The following PARG variants were observed in gnomAD, a reference collection of about 807,000 sequenced individuals.
PARG encodes the protein poly(ADP-ribose) glycohydrolase, also known as mitochondrial poly(ADP-ribose) glycohydrolase.
PARG carries 35 observed loss-of-function variants against 113.0 expected under a neutral mutation model. The ratio of observed to expected loss-of-function variants is 0.31; its 90% CI spans 0.24 to 0.41. The LOEUF (loss-of-function observed/expected upper bound fraction) is 0.41, where lower values mean the gene tolerates loss of function less well. Among genes scored for constraint, PARG ranks in the 10% least tolerant of loss-of-function variants. PARG has a pLI of 1.00. For synonymous variants in PARG, 330 were observed against 409.9 expected, an observed-to-expected ratio of 0.81 and a Z score of 2.36; for missense variants, 797 against 1,169.4, an observed-to-expected ratio of 0.68 and a Z score of 4.64.
intron 12 of PARG, among the ~76,000 whole-genome samples, chr10:49,858,439 T>C (rs1846100070): frequency 7.2e-6 from 1 of 139,740 alleles, no homozygotes; most frequent in South Asian, 2.2e-4. Context: ...AGGCTTATAT[T>C]CTTTCAAACT....
intron 16 of PARG, among the ~76,000 whole-genome samples, chr10:49,826,786 A>C (rs1844379511): frequency 1.3e-5 from 2 of 152,202 alleles, no homozygotes; most frequent in Non-Finnish European, 2.9e-5. Context: ...TTTTTGTGGC[A>C]TTTTAAAACT....
chr10:49,841,877 T>G (rs1845257808), intron 15 of PARG, 73 bp downstream of exon 15: 1 of 937,688 alleles, frequency 1.1e-6, no homozygotes, highest in Admixed American at 2.0e-5. Flanking sequence ...CAGAAAGCAT[T>G]AATTTCAGCA....
chr10:49,916,006 G>C lies in PARG; in HGVS notation c.1663-15C>G, dbSNP rs1308365545. On this transcript the variant is annotated splice_polypyrimidine_tract_variant and intron_variant, in intron 6 of 17. Transcript: ENST00000616448. ...AGAATAGCATCCTGTGGAAAATGCA[G>C]AAACAAAAAAACGTCATGGTATGGC... 2 of 1,480,746 alleles carry C rather than the reference G, an allele frequency of 1.4e-6. No homozygotes were observed. The highest frequency in any genetic ancestry group is 1.8e-6 in the Non-Finnish European group (2 of 1,083,058). 91.7% of individuals were successfully genotyped at this position (1,480,746 alleles called of 1,614,324 possible). A position where few individuals can be genotyped will look rare whatever the true frequency, so the allele number is the denominator to read the frequency against.
In PARG at chr10:49,935,458, T is replaced by C. The variant is rs1306490221; in HGVS notation, c.218-316A>G. On this transcript the variant is annotated intron_variant, in intron 1 of 17. Coordinates refer to ENST00000616448, the MANE Select transcript of PARG (RefSeq NM_003631.5). Reference sequence around the variant, plus strand: ...TACTCTGTGAGGGGTCATTTCTCTGTATCTCAGATCCCTCATTTGTAAACA... The same window carrying C: ...TACTCTGTGAGGGGTCATTTCTCTGCATCTCAGATCCCTCATTTGTAAACA... 1.2e-3 allele frequency among the ~76,000 whole-genome samples: 189 copies of C among 152,394 alleles called. 1 individual carries two copies. The highest frequency in any genetic ancestry group is 4.5e-3 in the African/African-American group (188 of 41,606).
chr10:49,824,549 T>C (rs1554829154), intron 16 of PARG, among the ~76,000 whole-genome samples: 1 of 152,090 alleles, frequency 6.6e-6, no homozygotes, highest in African/African-American at 2.4e-5. Context: ...TAAATATGAA[T>C]AACATGAAAA....
At chr10:49,891,390 T>C (rs1847774398) in intron 7 of PARG, among the ~76,000 whole-genome samples, 1 of 151,428 alleles carries the variant, frequency 6.6e-6, no homozygotes, top group African/African-American at 2.4e-5. Context: ...TAGCACAAGC[T>C]GCTCCATTTT....
At chr10:49,912,869 A>G (rs1554846687) in intron 7 of PARG, among the ~76,000 whole-genome samples, 1 of 152,112 alleles carries the variant, frequency 6.6e-6, no homozygotes, top group African/African-American at 2.4e-5. Context: ...ACGGGAGGCT[A>G]AAGTGGGAGG....
At position 49,843,635 on chromosome 10, in the gene PARG, GAAAC is replaced by G. The variant is rs1186843877; in HGVS notation, c.2354-7_2354-4del. ...GTATTCACTGTACTGCTCAGTACCT[GAAAC>G]AAACAATCTGTCACTATTAACTTCA... On this transcript the variant is annotated splice_region_variant and splice_polypyrimidine_tract_variant and intron_variant, in intron 13 of 17. Transcript: ENST00000616448. The G allele has an allele frequency of 2.3e-5, 36 of 1,539,868 alleles. No individual in the cohort carries two copies. Among genetic ancestry groups the G allele is most frequent in the Non-Finnish European group, 3.0e-5 (34 of 1,136,422 alleles).
At chr10:49,936,310 G>A (rs1450853323) in intron 1 of PARG, among the ~76,000 whole-genome samples, 2 of 152,084 alleles carry the variant, frequency 1.3e-5, no homozygotes, top group African/African-American at 4.8e-5. Context: ...GAAAAATGAT[G>A]ACAGCCTTAA....
Position 49,837,257 on chromosome 10 carries a change from T to G in PARG, c.2542-4349A>C, listed in dbSNP as rs566132725. On this transcript the variant is annotated intron_variant, in intron 15 of 17. Coordinates refer to ENST00000616448, the MANE Select transcript of PARG (RefSeq NM_003631.5). ...TTTTCAATTATTAACTGGTGAGTAATGCTTAAAAGTAGCAAACAGGTCCCC... is the reference window on the plus strand; with the variant it reads ...TTTTCAATTATTAACTGGTGAGTAAGGCTTAAAAGTAGCAAACAGGTCCCC... Among the ~76,000 whole-genome samples, 259 of 152,262 alleles carry G rather than the reference T, an allele frequency of 1.7e-3. 1 individual carries two copies. The highest frequency in any genetic ancestry group is 5.8e-3 in the African/African-American group (240 of 41,554).
intron 7 of PARG, among the ~76,000 whole-genome samples, chr10:49,891,315 A>AAAAT (rs1318872867): frequency 3.7e-3 from 556 of 151,946 alleles, no homozygotes; most frequent in East Asian, 0.014. Context: ...CTTTGTCTCA[A>AAAAT]AAATAAATAA....
At chr10:49,830,085 C>T (rs1414649585) in intron 16 of PARG, among the ~76,000 whole-genome samples, 3 of 152,128 alleles carry the variant, frequency 2.0e-5, no homozygotes, top group African/African-American at 7.2e-5. Context: ...TAATGGAAAT[C>T]TTAGACTACT....
chr10:49,938,811 T>G (rs1838876257), intron 1 of PARG, among the ~76,000 whole-genome samples: 1 of 152,058 alleles, frequency 6.6e-6, no homozygotes, highest in African/African-American at 2.4e-5. Context: ...TAAATATCCA[T>G]TTCGCTACCC....
intron 7 of PARG, among the ~76,000 whole-genome samples, chr10:49,903,108 A>C (rs1377726065): frequency 6.6e-6 from 1 of 151,834 alleles, no homozygotes; most frequent in African/African-American, 2.4e-5. Flanking sequence ...TACAGGCATG[A>C]GAGCCACCAT....
At chr10:49,825,906 G>A (rs2132363157) in intron 16 of PARG, among the ~76,000 whole-genome samples, 2 of 152,308 alleles carry the variant, frequency 1.3e-5, no homozygotes, top group Admixed American at 1.3e-4. Context: ...GACACAGGTT[G>A]AGTATCCCTC....
chr10:49,826,373 G>A (rs1169944563), intron 16 of PARG, among the ~76,000 whole-genome samples: 2 of 152,094 alleles, frequency 1.3e-5, no homozygotes, highest in Non-Finnish European at 2.9e-5. Flanking sequence ...TTTTTGGTTG[G>A]AAGTCACCCT....
At chr10:49,837,010 A>T (rs1844970243) in intron 15 of PARG, among the ~76,000 whole-genome samples, 1 of 152,154 alleles carries the variant, frequency 6.6e-6, no homozygotes, top group African/African-American at 2.4e-5. Flanking sequence ...TGAAGTCATA[A>T]ATCTTTCTAA....
chr10:49,932,221 G>A lies in PARG; in HGVS notation c.1334C>T (p.Pro445Leu). 7 of 1,598,864 alleles carry A rather than the reference G, an allele frequency of 4.4e-6. No homozygotes were observed. Among genetic ancestry groups the A allele is most frequent in the Non-Finnish European group, 6.0e-6 (7 of 1,166,004 alleles). The change falls in exon 4 of 18, where the codon CCT (proline) becomes CTT (leucine). Residue 445 changes from proline to leucine, a missense_variant. By Grantham distance (98) the Pro-to-Leu change is moderately conservative (BLOSUM62 -3). This residue lies in a region of PARG where 252 missense variants were observed against 437.4 expected (regional missense o/e 0.58). Transcript: ENST00000616448. ...TERKIPKYVP[P>L]HLSPDKKWLG... ...CCACTTCTTATCTGGAGAAAGGTGA[G>A]GTGGAACGTATTTAGGGATCTTCCT...
intron 7 of PARG, among the ~76,000 whole-genome samples, chr10:49,886,854 A>G (rs1302707239): frequency 6.6e-6 from 1 of 152,158 alleles, no homozygotes; most frequent in Non-Finnish European, 1.5e-5. Context: ...CCTCTTTATA[A>G]TCTGCCTCTT....
Sources: gnomAD v4.1 joint callset for allele counts (sites outside exome capture counted in the v4.1 genomes callset) on GRCh38, gnomAD v4.1.1 for gene constraint, gnomAD v4.1.1 regional missense constraint, MANE v1.5 for transcripts, NCBI Gene and HGNC (gene_info 2026-07-23, HGNC 2026-07-21) for gene names.